The following ASIC2 variants were observed in gnomAD, a reference collection of about 807,000 sequenced individuals.
ASIC2 encodes the protein acid-sensing ion channel 2.
A neutral mutation model predicts 57.3 loss-of-function variants in ASIC2; 25 were observed. The observed-to-expected ratio is 0.44, with a 90% CI of 0.32 to 0.61. The LOEUF is 0.61. Ranked by LOEUF, ASIC2 falls within the 20% of genes least tolerant of loss-of-function variation. The pLI is 0.06. For missense variants in ASIC2, 641 were observed against 738.1 expected (o/e 0.87, Z 1.52); for synonymous variants, 319 against 307.5 (o/e 1.04, Z -0.39).
At chr17:33,745,195 G>A (rs979445052) in intron 1 of ASIC2, among the ~76,000 whole-genome samples, 1 of 152,146 alleles carries the variant, frequency 6.6e-6, no homozygotes, top group African/African-American at 2.4e-5. Flanking sequence ...CTGATGAAAG[G>A]GCCAGCAGGC....
chr17:33,904,190 A>T (rs1418551534), intron 1 of ASIC2, among the ~76,000 whole-genome samples: 7 of 149,330 alleles, frequency 4.7e-5, no homozygotes, highest in Non-Finnish European at 1.0e-4. Flanking sequence ...AAAAAAAAGA[A>T]TTATAGCTAT....
chr17:33,764,633 C>G (rs957700216), intron 1 of ASIC2, among the ~76,000 whole-genome samples: 2 of 152,052 alleles, frequency 1.3e-5, no homozygotes, highest in Non-Finnish European at 2.9e-5. Context: ...TTTTCCTCTT[C>G]TTATAAAGCC....
rs796122017 is a variant in ASIC2 at position 34,069,327 on chromosome 17, CTT to C, written c.555+86649_555+86650del. ...CTTCCTTCCTTTCTTCCTTTCCTCTCTTTCTTTTTCTTTCATTTTTTTCTTTC... is the reference window on the plus strand; with the variant it reads ...CTTCCTTCCTTTCTTCCTTTCCTCTCTCTTTTTCTTTCATTTTTTTCTTTC... On this transcript the variant is annotated intron_variant, in intron 1 of 9. Coordinates refer to the ASIC2 transcript ENST00000359872. 34 of 40,282 alleles carry C rather than the reference CTT, an allele frequency of 8.4e-4. 1 individual carries two copies. Among genetic ancestry groups the C allele is most frequent in the African/African-American group, 1.3e-3 (31 of 23,264 alleles). 2.5% of individuals were successfully genotyped at this position (40,282 alleles called of 1,614,324 possible).
intron 1 of ASIC2, among the ~76,000 whole-genome samples, chr17:33,426,664 T>C (rs905383510): frequency 6.6e-6 from 1 of 152,228 alleles, no homozygotes; most frequent in African/African-American, 2.4e-5. Flanking sequence ...TTCTGGGCCC[T>C]GGTTTTCTAT....
At chr17:33,029,781 C>T (rs781645710) in intron 3 of ASIC2, among the ~76,000 whole-genome samples, 1 of 152,242 alleles carries the variant, frequency 6.6e-6, no homozygotes, top group African/African-American at 2.4e-5. Flanking sequence ...TACTCTACAT[C>T]CATGCCAAAT....
At chr17:33,993,977 A>G (rs1287380336) in intron 1 of ASIC2, among the ~76,000 whole-genome samples, 3 of 152,130 alleles carry the variant, frequency 2.0e-5, no homozygotes, top group Non-Finnish European at 2.9e-5. Context: ...AGATTAGGGA[A>G]CCCCAAAGAG....
At chr17:33,992,241 C>A (rs1049851138) in intron 1 of ASIC2, among the ~76,000 whole-genome samples, 1 of 152,190 alleles carries the variant, frequency 6.6e-6, no homozygotes, top group Non-Finnish European at 1.5e-5. Context: ...GATATCTCTC[C>A]TTTTGGGCAG....
intron 1 of ASIC2, among the ~76,000 whole-genome samples, chr17:33,937,825 A>T (rs1029259030): frequency 4.0e-5 from 6 of 151,806 alleles, no homozygotes; most frequent in African/African-American, 9.7e-5. Flanking sequence ...CTTTTAGAAA[A>T]TTTTTTTTTC....
At chr17:33,243,530 T>G (rs1908583405) in intron 1 of ASIC2, among the ~76,000 whole-genome samples, 1 of 151,846 alleles carries the variant, frequency 6.6e-6, no homozygotes, top group Non-Finnish European at 1.5e-5. Context: ...AGGGAAATCT[T>G]GTGTTCTGGC....
At chr17:33,089,375 GA>G (rs2092148959) in intron 2 of ASIC2, among the ~76,000 whole-genome samples, 1 of 152,180 alleles carries the variant, frequency 6.6e-6, no homozygotes, top group African/African-American at 2.4e-5. Flanking sequence ...GTAGCTTCTA[GA>G]AGCAGGAAAA....
At chr17:33,455,565 A>G (rs948735485) in intron 1 of ASIC2, among the ~76,000 whole-genome samples, 13 of 152,232 alleles carry the variant, frequency 8.5e-5, no homozygotes, top group African/African-American at 2.9e-4. Flanking sequence ...GTGAATATGC[A>G]ACACATTTAC....
chr17:33,515,788 C>T (rs930791857), intron 1 of ASIC2, among the ~76,000 whole-genome samples: 9 of 152,166 alleles, frequency 5.9e-5, no homozygotes, highest in African/African-American at 2.2e-4. Flanking sequence ...CTGTCCTGAC[C>T]TCCGTCCTGT....
intron 2 of ASIC2, among the ~76,000 whole-genome samples, chr17:33,097,463 T>C (rs1339878356): frequency 6.6e-6 from 1 of 152,218 alleles, no homozygotes; most frequent in African/African-American, 2.4e-5. Flanking sequence ...GCGTAGAATT[T>C]TGGAGCCAGG....
intron 1 of ASIC2, chr17:34,038,726 T>C (rs1456649254): frequency 3.7e-6 from 6 of 1,606,196 alleles, no homozygotes; most frequent in Non-Finnish European, 8.5e-7. Context: ...GATTTCTTCT[T>C]GTTCATGGTA....
chr17:33,609,480 T>C (rs1018003157), intron 1 of ASIC2, among the ~76,000 whole-genome samples: 2 of 152,146 alleles, frequency 1.3e-5, no homozygotes, highest in Non-Finnish European at 2.9e-5. Flanking sequence ...CACATCCTGA[T>C]CCTCCCGTGT....
At chr17:33,114,198 G>A (rs1354828560) in intron 1 of ASIC2, among the ~76,000 whole-genome samples, 1 of 152,216 alleles carries the variant, frequency 6.6e-6, no homozygotes, top group Non-Finnish European at 1.5e-5. Flanking sequence ...GAGGAGAACA[G>A]CTGGAATTAA....
intron 1 of ASIC2, among the ~76,000 whole-genome samples, chr17:34,079,864 G>C (rs1909810774): frequency 6.6e-6 from 1 of 152,214 alleles, no homozygotes; most frequent in Admixed American, 6.5e-5. Context: ...GAGATGGATA[G>C]AGGAGGCTGC....
In ASIC2 at chr17:34,042,888, A is replaced by G. The variant is rs150377012; in HGVS notation, c.555+113090T>C. Among the ~76,000 whole-genome samples, 37 of 152,200 alleles carry G rather than the reference A, an allele frequency of 2.4e-4. No individual in the cohort carries two copies. In the East Asian group the frequency reaches 3.9e-3, roughly 16 times the overall value. ...AATAGCCTCGAACTAGAAACAGTAT[A>G]AATGTTCTTCAACAGTAAAATAAAT... On this transcript the variant is annotated intron_variant, in intron 1 of 9. Transcript: ENST00000359872.
chr17:34,064,642 T>C (rs536794432), intron 1 of ASIC2, among the ~76,000 whole-genome samples: 2 of 152,044 alleles, frequency 1.3e-5, no homozygotes, highest in Admixed American at 1.3e-4. Flanking sequence ...GACAAATAAC[T>C]AATATCCAGA....
Sources: gnomAD v4.1 joint callset for allele counts (sites outside exome capture counted in the v4.1 genomes callset) on GRCh38, gnomAD v4.1.1 for gene constraint, MANE v1.5 for transcripts, NCBI Gene and HGNC (gene_info 2026-07-23, HGNC 2026-07-21) for gene names.